COL5A2: variants seen among roughly 807,000 people sequenced by gnomAD.
The protein encoded by COL5A2 is collagen alpha-2(V) chain.
Under a neutral mutation model 208.2 loss-of-function variants are expected in COL5A2, and 23 were observed. That is an observed-to-expected ratio of 0.11 (90% CI 0.08 to 0.16). COL5A2 has a LOEUF of 0.16. Ranked by LOEUF, COL5A2 falls within the 10% of genes least tolerant of loss-of-function variation. The pLI is 1.00. For missense variants in COL5A2, 1,590 were observed against 1,956.4 expected (o/e 0.81, Z 3.53); for synonymous variants, 625 against 628.5 (o/e 0.99, Z 0.08).
At chr2:189,254,830 T>A in the COL5A2 span, among the ~76,000 whole-genome samples, 1 of 152,176 alleles carries the variant, frequency 6.6e-6, no homozygotes. Flanking sequence ...ACCTCACAGA[T>A]TTCTTGCTCA....
intron 47 of COL5A2, among the ~76,000 whole-genome samples, chr2:189,043,890 C>G (rs1185836214): frequency 6.6e-6 from 1 of 152,160 alleles, no homozygotes. Flanking sequence ...TAAGCTTGAT[C>G]TACGGCTACA....
chr2:189,368,939 T>C, the COL5A2 span, among the ~76,000 whole-genome samples: 1 of 152,132 alleles, frequency 6.6e-6, no homozygotes, highest in Non-Finnish European at 1.5e-5. Context: ...TAAATTTACT[T>C]CCTCACTAAT....
the COL5A2 span, among the ~76,000 whole-genome samples, chr2:189,253,047 TC>T: frequency 6.6e-6 from 1 of 152,180 alleles, no homozygotes; most frequent in South Asian, 2.1e-4. Flanking sequence ...GAAAGGTAAT[TC>T]TGGGGACAGT....
chr2:189,274,613 T>C, the COL5A2 span, among the ~76,000 whole-genome samples: 2 of 152,200 alleles, frequency 1.3e-5, no homozygotes, highest in Admixed American at 1.3e-4. Flanking sequence ...TGGAGAATTA[T>C]AGCTAACTTG....
At chr2:189,341,859 G>C in the COL5A2 span, among the ~76,000 whole-genome samples, 3 of 152,186 alleles carry the variant, frequency 2.0e-5, no homozygotes, top group East Asian at 5.8e-4. Context: ...AAAATAATTT[G>C]AGTGAAATTT....
chr2:189,290,491 A>G, the COL5A2 span, among the ~76,000 whole-genome samples: 3 of 152,184 alleles, frequency 2.0e-5, no homozygotes. Context: ...GTAGTCAAAT[A>G]CGTTGAAGAC....
intron 45 of COL5A2, among the ~76,000 whole-genome samples, chr2:189,047,377 T>C (rs190122583): frequency 1.3e-5 from 2 of 152,310 alleles, no homozygotes; most frequent in East Asian, 1.9e-4. Context: ...TGAGCGGGAC[T>C]TAGCCCAAGC....
At chr2:189,403,850 A>G in the COL5A2 span, among the ~76,000 whole-genome samples, 2 of 152,208 alleles carry the variant, frequency 1.3e-5, no homozygotes, top group Non-Finnish European at 2.9e-5. Flanking sequence ...ATCCTGCCTC[A>G]GCCTCCCGAG....
At chr2:189,437,995 AAAAT>A in the COL5A2 span, among the ~76,000 whole-genome samples, 1 of 151,726 alleles carries the variant, frequency 6.6e-6, no homozygotes, top group South Asian at 2.1e-4. Context: ...TATTAAATAA[AAAAT>A]AAATAAAAAT....
At chr2:189,138,312 G>A (rs1687864946) in intron 1 of COL5A2, among the ~76,000 whole-genome samples, 1 of 151,870 alleles carries the variant, frequency 6.6e-6, no homozygotes, top group African/African-American at 2.4e-5. Context: ...CCTCTGTCTA[G>A]CTCTACCCTT....
At position 189,060,953 on chromosome 2, in the gene COL5A2, A is replaced by T. The variant is rs546447381; in HGVS notation, c.2032-170T>A. 3.9e-5 allele frequency among the ~76,000 whole-genome samples: 6 copies of T among 152,306 alleles called. No homozygotes were observed. The South Asian group carries it at 1.2e-3, about 32-fold the overall frequency. On this transcript the variant is annotated intron_variant, in intron 30 of 53. Transcript: ENST00000374866. ...AATATTGTTCAGAAGCATTAAAAAAAGACTACCAATAAAACACAACAGCTA... is the reference window on the plus strand; with the variant it reads ...AATATTGTTCAGAAGCATTAAAAAATGACTACCAATAAAACACAACAGCTA...
At chr2:189,258,132 T>A in the COL5A2 span, among the ~76,000 whole-genome samples, 3 of 152,076 alleles carry the variant, frequency 2.0e-5, no homozygotes, top group Admixed American at 1.3e-4. Flanking sequence ...TAAAATAAAA[T>A]AAAAAATAAA....
chr2:189,087,719 G>A (rs1686695042), intron 8 of COL5A2, among the ~76,000 whole-genome samples: 1 of 150,182 alleles, frequency 6.7e-6, no homozygotes, highest in South Asian at 2.1e-4. Flanking sequence ...CGTCTGCCAT[G>A]GCCTCCCAAA....
intron 2 of COL5A2, among the ~76,000 whole-genome samples, chr2:189,108,722 C>T (rs1348063474): frequency 6.6e-6 from 1 of 151,416 alleles, no homozygotes; most frequent in Non-Finnish European, 1.5e-5. Flanking sequence ...CTTTGGGTGC[C>T]CATCTTCAGG....
At chr2:189,304,912 T>C in the COL5A2 span, among the ~76,000 whole-genome samples, 1 of 152,190 alleles carries the variant, frequency 6.6e-6, no homozygotes, top group Non-Finnish European at 1.5e-5. Flanking sequence ...TCAAATTCTA[T>C]TAATAATGCA....
In COL5A2 at chr2:189,063,185, G is replaced by T. The variant is rs201649860; in HGVS notation, c.1856C>A (p.Pro619His). The change falls in exon 27 of 54, where the codon CCC becomes CAC. Residue 619 changes from proline (P) to histidine (H), a missense_variant. Pro to His is a moderately conservative substitution (Grantham distance 77). Coordinates refer to ENST00000374866, the MANE Select transcript of COL5A2 (RefSeq NM_000393.5). ...CACTGTACTCACACTGCTACCTTTG[G>T]GGCCTGGAAGGCCCATGCTCCCGGG... Reference protein sequence around the residue: ...GQPGSMGLPGPKGSSGDPGKP... With the variant: ...GQPGSMGLPGHKGSSGDPGKP... 3.7e-6 allele frequency: 6 copies of T among 1,613,884 alleles called. No homozygotes were observed. The African/African-American group carries it at 8.0e-5, about 22-fold the overall frequency.
In COL5A2 at chr2:189,163,369, A is replaced by T. The variant is rs537276915; in HGVS notation, c.97+16139T>A. On this transcript the variant is annotated intron_variant, in intron 1 of 53. Transcript: ENST00000374866. ...TAGAGAACACTGAGTCTGTGGCTAA[A>T]CAGCATAACACAACACATGATGCAT... Among the ~76,000 whole-genome samples, 4 of 152,366 alleles carry T rather than the reference A, an allele frequency of 2.6e-5. No homozygotes were observed. The South Asian group carries it at 8.3e-4, about 32-fold the overall frequency.
intron 41 of COL5A2, among the ~76,000 whole-genome samples, chr2:189,051,780 A>G (rs1386115382): frequency 6.6e-6 from 1 of 152,352 alleles, no homozygotes; most frequent in Admixed American, 6.5e-5. Context: ...CACTCCAATG[A>G]TGAATATATA....
intron 1 of COL5A2, among the ~76,000 whole-genome samples, chr2:189,123,955 C>T (rs1000093796): frequency 6.6e-6 from 1 of 152,044 alleles, no homozygotes; most frequent in African/African-American, 2.4e-5. Context: ...AAGGGGATGG[C>T]ACATTTACAT....
Sources: gnomAD v4.1 joint callset for allele counts (sites outside exome capture counted in the v4.1 genomes callset) on GRCh38, gnomAD v4.1.1 for gene constraint, MANE v1.5 for transcripts, NCBI Gene and HGNC (gene_info 2026-07-23, HGNC 2026-07-21) for gene names.